CFTR: variants seen among roughly 807,000 people sequenced by gnomAD.
The protein encoded by CFTR is CF transmembrane conductance regulator, also known as cystic fibrosis transmembrane conductance regulator.
In CFTR, 181 loss-of-function variants were observed where a neutral mutation model predicts 171.6. The ratio of observed to expected loss-of-function variants is 1.05; its 90% confidence interval spans 0.93 to 1.19. The LOEUF (loss-of-function observed/expected upper bound fraction) is 1.19. CFTR is among the 50% of genes most tolerant of loss of function. The probability of loss-of-function intolerance (pLI) is 0.00; values close to 1 mark genes in which losing one functional copy is unlikely to be tolerated. For synonymous variants in CFTR, 583 were observed against 608.0 expected, an observed-to-expected ratio of 0.96 and a Z score of 0.60; for missense variants, 1,968 against 1,734.7, an observed-to-expected ratio of 1.13 and a Z score of -2.39.
intron 1 of CFTR, among the ~76,000 whole-genome samples, chr7:117,486,338 G>A (rs758666674): frequency 2.0e-5 from 3 of 152,092 alleles, no homozygotes; most frequent in Non-Finnish European, 2.9e-5. Flanking sequence ...TATGTGAGAC[G>A]TTAAGAAGGT....
rs80077299 is a variant in CFTR, at chr7:117,548,111, T to G, written c.1210-530T>G. Among the ~76,000 whole-genome samples, 252 of 152,306 alleles carry G rather than the reference T, an allele frequency of 1.7e-3. 3 individuals carry two copies. In the East Asian group the frequency reaches 0.045, roughly 27 times the overall value. On this transcript the variant is annotated intron_variant, in intron 9 of 26. Coordinates refer to ENST00000003084, the MANE Select transcript of CFTR (RefSeq NM_000492.4). The stretch of plus-strand genomic sequence containing the variant: ...ATCTCTTCATATTTATATTCAACAA[T>G]AATTACTTAAAGAAATGCTTTGAGC...
At chr7:117,531,441 A>G (rs1798865072) in intron 4 of CFTR, among the ~76,000 whole-genome samples, 1 of 152,082 alleles carries the variant, frequency 6.6e-6, no homozygotes, top group African/African-American at 2.4e-5. Context: ...TTGACAAAAT[A>G]TCATCTTATA....
In CFTR at chr7:117,611,582, C is replaced by G; in HGVS notation, c.3141C>G (p.Gly1047=). 6 of 1,579,200 alleles carry G rather than the reference C, an allele frequency of 3.8e-6. No homozygotes were observed. The highest frequency in any genetic ancestry group is 5.2e-6 in the Non-Finnish European group (6 of 1,148,794). ...GTTTTCTATGGAAATATTTCACAGG[C>G]AGGAGTCCAATTTTCACTCATCTTG... is the stretch of plus-strand genomic sequence containing the variant. ...SQQLKQLESE[G]RSPIFTHLVT... The change falls in exon 20 of 27, where the codon GGC becomes GGG. Residue 1047 remains glycine (G), a splice_region_variant and synonymous_variant. Transcript: ENST00000003084.
intron 10 of CFTR, among the ~76,000 whole-genome samples, chr7:117,552,834 G>T (rs1327277945): frequency 6.6e-6 from 1 of 152,098 alleles, no homozygotes; most frequent in African/African-American, 2.4e-5. Flanking sequence ...CAGAGGACTT[G>T]CACATATGTT....
intron 11 of CFTR, among the ~76,000 whole-genome samples, chr7:117,570,383 G>T (rs921414416): frequency 9.2e-5 from 14 of 152,154 alleles, no homozygotes; most frequent in Admixed American, 2.0e-4. Flanking sequence ...GCACAGGAAA[G>T]GGCCTGGAAG....
At chr7:117,550,096 G>A (rs1274047543) in intron 10 of CFTR, among the ~76,000 whole-genome samples, 1 of 152,120 alleles carries the variant, frequency 6.6e-6, no homozygotes, top group African/African-American at 2.4e-5. Flanking sequence ...AGCACTTTTG[G>A]AGGCAGAGGC....
At position 117,627,502 on chromosome 7, in the gene CFTR, T is replaced by C. The variant is rs373002889; in HGVS notation, c.3469-20T>C. On this transcript the variant is annotated intron_variant, in intron 21 of 26. Coordinates refer to ENST00000003084, the MANE Select transcript of CFTR (RefSeq NM_000492.4). ...TGTCTGCCATTCTTAAAAACAAAAA[T>C]GTTGTTATTTTTATTTCAGATGCGA... 7.6e-4 allele frequency: 1,233 copies of C among 1,612,424 alleles called. 24 individuals carry two copies. In the South Asian group the frequency reaches 0.013, roughly 17 times the overall value.
At chr7:117,519,009 A>G (rs1394694508) in intron 3 of CFTR, among the ~76,000 whole-genome samples, 1 of 152,132 alleles carries the variant, frequency 6.6e-6, no homozygotes, top group Non-Finnish European at 1.5e-5. Flanking sequence ...GCTTTTTCTT[A>G]TAAAATATGA....
intron 3 of CFTR, among the ~76,000 whole-genome samples, chr7:117,529,198 G>A: frequency 1.1e-5 from 1 of 94,562 alleles, no homozygotes; most frequent in Non-Finnish European, 1.8e-5. Context: ...AAAAAATGAT[G>A]AGTTCATGTC....
intron 3 of CFTR, among the ~76,000 whole-genome samples, chr7:117,520,636 A>G (rs896899038): frequency 6.6e-6 from 1 of 151,930 alleles, no homozygotes; most frequent in Admixed American, 6.6e-5. Context: ...AAATCAGTCT[A>G]TTTCTTTGTC....
intron 1 of CFTR, among the ~76,000 whole-genome samples, chr7:117,491,614 C>T (rs1562879229): frequency 6.6e-6 from 1 of 151,926 alleles, no homozygotes; most frequent in Non-Finnish European, 1.5e-5. Flanking sequence ...GAGGCATCAC[C>T]CTGATCTCTG....
intron 23 of CFTR, chr7:117,647,499 C>G (rs775848011): frequency 1.3e-5 from 2 of 151,896 alleles, no homozygotes; most frequent in Non-Finnish European, 2.9e-5. Context: ...GTGCCACACA[C>G]TTTGAAATGA....
chr7:117,512,944 G>A (rs997910250), intron 3 of CFTR, among the ~76,000 whole-genome samples: 1 of 152,138 alleles, frequency 6.6e-6, no homozygotes, highest in Non-Finnish European at 1.5e-5. Flanking sequence ...AGGACATACA[G>A]GAGAAGTCCT....
chr7:117,563,143 T>C (rs775635288), intron 11 of CFTR, among the ~76,000 whole-genome samples: 1 of 152,200 alleles, frequency 6.6e-6, no homozygotes, highest in Non-Finnish European at 1.5e-5. Flanking sequence ...TTTTGAAAGC[T>C]GGCAGACGTA....
At chr7:117,580,444 G>A (rs1011224122) in intron 11 of CFTR, among the ~76,000 whole-genome samples, 1 of 151,900 alleles carries the variant, frequency 6.6e-6, no homozygotes, top group Non-Finnish European at 1.5e-5. Flanking sequence ...TAATTCTTTT[G>A]GTTGTTTTGT....
rs563128510 is a variant in CFTR, at chr7:117,619,865, T to C, written c.3468+5152T>C. Among the ~76,000 whole-genome samples, 3 of 152,088 alleles carry C rather than the reference T, an allele frequency of 2.0e-5. No homozygotes were observed. The South Asian group carries it at 6.2e-4, about 32-fold the overall frequency. Reference sequence around the variant, plus strand: ...AGAAGAGTTTTCTGTCAATACAAACTCCCTGGGTTTCTCCTTTGTCCTTTT... The same window carrying C: ...AGAAGAGTTTTCTGTCAATACAAACCCCCTGGGTTTCTCCTTTGTCCTTTT... On this transcript the variant is annotated intron_variant, in intron 21 of 26. Transcript: ENST00000003084.
At chr7:117,590,036 C>T (rs1447285646) in intron 12 of CFTR, among the ~76,000 whole-genome samples, 1 of 151,954 alleles carries the variant, frequency 6.6e-6, no homozygotes, top group Non-Finnish European at 1.5e-5. Context: ...TGCTATGGTA[C>T]AGTTCAGTTT....
At chr7:117,649,670 T>C (rs977997247) in intron 23 of CFTR, among the ~76,000 whole-genome samples, 1 of 152,004 alleles carries the variant, frequency 6.6e-6, no homozygotes, top group Non-Finnish European at 1.5e-5. Flanking sequence ...TCAGGAAGAA[T>C]TTATTGAGCA....
chr7:117,529,267 C>CA (rs1252391062), intron 3 of CFTR, among the ~76,000 whole-genome samples: 1 of 103,944 alleles, frequency 9.6e-6, no homozygotes, highest in Non-Finnish European at 1.8e-5. Flanking sequence ...ATCGCAAGAA[C>CA]AAAAAACCAA....
Sources: allele counts gnomAD v4.1 joint callset (sites outside exome capture counted in the v4.1 genomes callset), GRCh38; gene constraint gnomAD v4.1.1; transcripts MANE v1.5; gene names NCBI Gene and HGNC (gene_info 2026-07-23, HGNC 2026-07-21).